CCDC80: variants seen among roughly 807,000 people sequenced by gnomAD.
CCDC80 encodes the protein coiled-coil domain containing 80, also known as coiled-coil domain-containing protein 80.
CCDC80 carries 49 observed loss-of-function variants against 78.7 expected under a neutral mutation model. That is an observed-to-expected ratio of 0.62 (90% CI 0.50 to 0.79). The LOEUF is 0.79. Ranked by LOEUF, CCDC80 falls within the 30% of genes least tolerant of loss-of-function variation. CCDC80 has a pLI of 0.00. For synonymous variants in CCDC80, 488 were observed against 447.0 expected (o/e 1.09, Z -1.16); for missense variants, 1,205 against 1,198.6 (o/e 1.01, Z -0.08).
At chr3:112,634,826 T>C (rs1936172858) in intron 2 of CCDC80, among the ~76,000 whole-genome samples, 1 of 152,236 alleles carries the variant, frequency 6.6e-6, no homozygotes, top group African/African-American at 2.4e-5. Flanking sequence ...GGCCTGAATT[T>C]GAGTTTTCAA....
Position 112,605,427 on chromosome 3 carries a change from T to C in CCDC80, c.2843A>G (p.Tyr948Cys). 6.2e-7 allele frequency: 1 copy of C among 1,611,600 alleles called. No individual in the cohort carries two copies. The highest frequency in any genetic ancestry group is 8.5e-7 in the Non-Finnish European group (1 of 1,178,132). Reference sequence around the variant, plus strand: ...GTTACATATTTCTGCTCAGTAAGGGTATCCATGGTGATAACTCTCATGATG... The same window carrying C: ...GTTACATATTTCTGCTCAGTAAGGGCATCCATGGTGATAACTCTCATGATG... Reference protein sequence around the residue: ...YRHHESYHHGYPY With the variant: ...YRHHESYHHGCPY The change falls in exon 8 of 8, where the codon TAC (tyrosine) becomes TGC (cysteine). Residue 948 changes from tyrosine (Y) to cysteine (C), a missense_variant. Physicochemically the swap from Tyr to Cys is radical, Grantham distance 194 (BLOSUM62 -2). Coordinates refer to ENST00000206423, the MANE Select transcript of CCDC80 (RefSeq NM_199511.3).
intron 3 of CCDC80, among the ~76,000 whole-genome samples, chr3:112,619,843 T>C (rs1935827173): frequency 6.6e-6 from 1 of 152,238 alleles, no homozygotes; most frequent in Non-Finnish European, 1.5e-5. Context: ...TGGCTTTACA[T>C]GGCAACTTGT....
intron 3 of CCDC80, among the ~76,000 whole-genome samples, chr3:112,629,617 T>C (rs1472398587): frequency 1.3e-5 from 2 of 152,228 alleles, no homozygotes; most frequent in Admixed American, 6.5e-5. Context: ...GTTCAGTCCA[T>C]ATTTTCAGTG....
At chr3:112,611,826 G>C (rs982345081) in intron 5 of CCDC80, among the ~76,000 whole-genome samples, 10 of 152,216 alleles carry the variant, frequency 6.6e-5, no homozygotes, top group African/African-American at 1.7e-4. Flanking sequence ...CTGACAGCCA[G>C]TTAATTTTAT....
Position 112,603,006 on chromosome 3 carries a change from T to C in CCDC80, c.*2411A>G, listed in dbSNP as rs928862386. On this transcript the variant is annotated 3_prime_UTR_variant, in exon 8 of 8. Coordinates refer to ENST00000206423, the MANE Select transcript of CCDC80 (RefSeq NM_199511.3). ...CTTCAACCAACAGGCTTACTCCTTG[T>C]TAGAAGTTAACGCAGCTGGTGATTT... 1 of 152,202 alleles carries C rather than the reference T, an allele frequency of 6.6e-6. No individual in the cohort carries two copies. The highest frequency in any genetic ancestry group is 1.5e-5 in the Non-Finnish European group (1 of 68,042). 9.4% of individuals were successfully genotyped at this position (152,202 alleles called of 1,614,324 possible).
In CCDC80 at chr3:112,598,593, A is replaced by G. The variant is rs1028616187; in HGVS notation, c.*6824T>C. The G allele has an allele frequency of 6.6e-6, 1 of 152,286 alleles. No homozygotes were observed. Among genetic ancestry groups the G allele is most frequent in the Non-Finnish European group, 1.5e-5 (1 of 68,122 alleles). The allele number at this position is 152,286 out of a possible 1,614,324, so 9.4% of individuals were successfully genotyped here. A position where few individuals can be genotyped will look rare whatever the true frequency, so the allele number is the denominator to read the frequency against. ...CAGCCCATGGATTGGGAGGTGTAGGACCATTCTTTTTCTTTCTGGAAGGAA... is the reference window on the plus strand; with the variant it reads ...CAGCCCATGGATTGGGAGGTGTAGGGCCATTCTTTTTCTTTCTGGAAGGAA... On this transcript the variant is annotated 3_prime_UTR_variant, in exon 8 of 8. Transcript: ENST00000206423.
chr3:112,612,995 TACTAATA>T (rs1484202050), intron 5 of CCDC80, among the ~76,000 whole-genome samples: 6 of 152,000 alleles, frequency 3.9e-5, no homozygotes, highest in African/African-American at 1.2e-4. Flanking sequence ...ACCCTAGGAC[TACTAATA>T]AGTAGCATTT....
At chr3:112,608,954 CT>C (rs1399488697) in intron 6 of CCDC80, among the ~76,000 whole-genome samples, 2 of 152,154 alleles carry the variant, frequency 1.3e-5, no homozygotes, top group Non-Finnish European at 2.9e-5. Context: ...ACCCTCCTCC[CT>C]TTTAAAAAAC....
Position 112,638,086 on chromosome 3 carries a change from C to T in CCDC80, c.1820G>A (p.Ser607Asn). Reference protein sequence around the residue: ...QKPTNKHFTQSPKKSVADLLG... With the variant: ...QKPTNKHFTQNPKKSVADLLG... ...CAGGTCGGCCACTGACTTCTTGGGA[C>T]TCTGCGTGAAGTGTTTGTTGGTGGG... The change falls in exon 2 of 8, where the codon AGT (serine) becomes AAT (asparagine). Residue 607 changes from serine (S) to asparagine (N), a missense_variant. Coordinates refer to ENST00000206423, the MANE Select transcript of CCDC80 (RefSeq NM_199511.3). 2.5e-6 allele frequency: 4 copies of T among 1,613,526 alleles called. No individual in the cohort carries two copies. Among genetic ancestry groups the T allele is most frequent in the Non-Finnish European group, 3.4e-6 (4 of 1,179,882 alleles).
intron 5 of CCDC80, among the ~76,000 whole-genome samples, chr3:112,615,880 T>C (rs1241745499): frequency 6.6e-6 from 1 of 152,158 alleles, no homozygotes; most frequent in Non-Finnish European, 1.5e-5. Context: ...AATCCACCCC[T>C]TGTTTAGCAT....
intron 4 of CCDC80, among the ~76,000 whole-genome samples, chr3:112,618,457 G>A (rs1461980950): frequency 1.3e-5 from 2 of 152,056 alleles, no homozygotes; most frequent in African/African-American, 4.8e-5. Flanking sequence ...AACCTGGGGG[G>A]TGGAGCTTGC....
chr3:112,609,087 C>T (rs146483770), intron 6 of CCDC80, among the ~76,000 whole-genome samples: 1 of 151,172 alleles, frequency 6.6e-6, no homozygotes, highest in Non-Finnish European at 1.5e-5. Flanking sequence ...AGCTACTTCC[C>T]CCTGCCCCTG....
Position 112,630,260 on chromosome 3 carries a change from CA to C in CCDC80, c.1887del (p.Ala630LeufsTer30), listed in dbSNP as rs1312414791. 1 of 1,613,548 alleles carries C rather than the reference CA, an allele frequency of 6.2e-7. No homozygotes were observed. Among genetic ancestry groups the C allele is most frequent in the African/African-American group, 1.3e-5 (1 of 74,868 alleles). ...FEGKRRLLLI[T>X]APKAENNMYV... ...TACATATTGTTCTCAGCCTTGGGAG[CA>C]GTGATCAGCTGGAGGTGGGTGAAGA... On this transcript the variant is annotated frameshift_variant, in exon 3 of 8. Coordinates refer to ENST00000206423, the MANE Select transcript of CCDC80 (RefSeq NM_199511.3). LOFTEE classifies it high-confidence loss of function.
intron 2 of CCDC80, among the ~76,000 whole-genome samples, chr3:112,631,371 T>C (rs1936095543): frequency 1.3e-5 from 2 of 152,190 alleles, no homozygotes; most frequent in South Asian, 4.1e-4. Flanking sequence ...CAGGTCTTTG[T>C]TGAGATCCTT....
intron 5 of CCDC80, among the ~76,000 whole-genome samples, chr3:112,614,688 A>G (rs1935697148): frequency 6.6e-6 from 1 of 152,196 alleles, no homozygotes; most frequent in Non-Finnish European, 1.5e-5. Flanking sequence ...GGTTCCTTTC[A>G]GGGCCGAAAT....
chr3:112,609,627 T>C (rs1935584959), intron 6 of CCDC80, among the ~76,000 whole-genome samples: 1 of 152,030 alleles, frequency 6.6e-6, no homozygotes, highest in African/African-American at 2.4e-5. Context: ...GGTATGTAAG[T>C]AGATATTCGA....
rs1935384430 is a variant in CCDC80, at chr3:112,602,063, T to C, written c.*3354A>G. The C allele has an allele frequency of 6.6e-6, 1 of 152,222 alleles. No homozygotes were observed. Among genetic ancestry groups the C allele is most frequent in the Admixed American group, 6.5e-5 (1 of 15,278 alleles). The allele number at this position is 152,222 out of a possible 1,614,324, so 9.4% of individuals were successfully genotyped here. A position where few individuals can be genotyped will look rare whatever the true frequency, so the allele number is the denominator to read the frequency against. Reference sequence around the variant, plus strand: ...TTGACATCATTTTTGCAATAGTATGTACTCACTTTATGTCTCTGTGTCACA... The same window carrying C: ...TTGACATCATTTTTGCAATAGTATGCACTCACTTTATGTCTCTGTGTCACA... On this transcript the variant is annotated 3_prime_UTR_variant, in exon 8 of 8. Coordinates refer to ENST00000206423, the MANE Select transcript of CCDC80 (RefSeq NM_199511.3).
rs773142186 is a variant in CCDC80 at position 112,610,132 on chromosome 3, A to G, written c.2322-51T>C. 6.7e-6 allele frequency: 10 copies of G among 1,503,346 alleles called. No individual in the cohort carries two copies. In the South Asian group the frequency reaches 1.1e-4, roughly 17 times the overall value. The allele number at this position is 1,503,346 out of a possible 1,614,324, so 93.1% of individuals were successfully genotyped here. On this transcript the variant is annotated intron_variant, in intron 5 of 7. Transcript: ENST00000206423. ...TACTGCTTACTGCTTCAAACAATAA[A>G]AACCAATGTAGGAAACCAGAGTGAC...
At chr3:112,629,076 T>C (rs898438291) in intron 3 of CCDC80, among the ~76,000 whole-genome samples, 2 of 152,200 alleles carry the variant, frequency 1.3e-5, no homozygotes, top group African/African-American at 4.8e-5. Flanking sequence ...ATATAACTAG[T>C]ATGTCTTCAA....
Sources: allele counts gnomAD v4.1 joint callset (sites outside exome capture counted in the v4.1 genomes callset), GRCh38; gene constraint gnomAD v4.1.1; transcripts MANE v1.5; gene names NCBI Gene and HGNC (gene_info 2026-07-23, HGNC 2026-07-21).